AHCTF1: variants seen among roughly 807,000 people sequenced by gnomAD.
AHCTF1 encodes the protein protein ELYS.
AHCTF1 carries 24 observed loss-of-function variants against 248.4 expected under a neutral mutation model. The ratio of observed to expected loss-of-function variants is 0.10; its 90% CI spans 0.07 to 0.14. The LOEUF (loss-of-function observed/expected upper bound fraction) is 0.14. AHCTF1 is among the 10% of genes least tolerant of loss of function. The pLI is 1.00. For synonymous variants in AHCTF1, 786 were observed against 929.8 expected (o/e 0.85, Z 2.81); for missense variants, 2,206 against 2,636.2 (o/e 0.84, Z 3.57).
intron 30 of AHCTF1, 142 bp from the exon 31 acceptor site, chr1:246,855,969 C>A: frequency 2.0e-6 from 1 of 503,712 alleles, no homozygotes; most frequent in Non-Finnish European, 3.5e-6. Context: ...TCATTCTGAA[C>A]AATAATATAA....
chr1:246,924,652 T>C (rs970871161), intron 1 of AHCTF1, among the ~76,000 whole-genome samples: 1 of 152,102 alleles, frequency 6.6e-6, no homozygotes, highest in Non-Finnish European at 1.5e-5. Flanking sequence ...AAAGATTCAC[T>C]CAAAAAATTA....
chr1:246,887,810 G>GT (rs1322112051), intron 19 of AHCTF1, among the ~76,000 whole-genome samples: 1 of 152,170 alleles, frequency 6.6e-6, no homozygotes, highest in Non-Finnish European at 1.5e-5. Context: ...GCCTAAGGTA[G>GT]TATCACGCTA....
intron 33 of AHCTF1, among the ~76,000 whole-genome samples, chr1:246,845,418 C>T (rs1167372849): frequency 6.6e-6 from 1 of 152,064 alleles, no homozygotes; most frequent in African/African-American, 2.4e-5. Context: ...ATAATCTCTG[C>T]TCCCAGCTTG....
At chr1:246,886,417 G>T (rs950985489) in intron 20 of AHCTF1, among the ~76,000 whole-genome samples, 2 of 152,026 alleles carry the variant, frequency 1.3e-5, no homozygotes, top group African/African-American at 4.8e-5. Flanking sequence ...TATTCACACA[G>T]CATTTACATT....
intron 26 of AHCTF1, chr1:246,865,232 C>T (rs1572384760): frequency 6.6e-6 from 1 of 152,006 alleles, no homozygotes; most frequent in East Asian, 1.9e-4. Context: ...TTTTTATTTC[C>T]CCCAAATGCC....
intron 1 of AHCTF1, among the ~76,000 whole-genome samples, chr1:246,923,328 C>A (rs1666710301): frequency 6.6e-6 from 1 of 151,988 alleles, no homozygotes; most frequent in Admixed American, 6.6e-5. Flanking sequence ...GGCATGAGAA[C>A]TGCTTGAACC....
chr1:246,928,153 A>T (rs1251989948), intron 1 of AHCTF1, among the ~76,000 whole-genome samples: 3 of 151,238 alleles, frequency 2.0e-5, no homozygotes, highest in Non-Finnish European at 2.9e-5. Flanking sequence ...TACAAAAAAA[A>T]TTAGCCGGGC....
chr1:246,868,906 G>C (rs540809075), intron 24 of AHCTF1, among the ~76,000 whole-genome samples: 6 of 148,072 alleles, frequency 4.1e-5, no homozygotes, highest in Non-Finnish European at 5.9e-5. Context: ...GTGCAGTGGT[G>C]TGATCTCGGC....
intron 1 of AHCTF1, 133 bp from the exon 2 acceptor site, chr1:246,918,510 T>C: frequency 3.3e-6 from 3 of 921,686 alleles, no homozygotes; most frequent in Middle Eastern, 3.1e-4. Flanking sequence ...ACAAAATACA[T>C]ATTGGCCAGA....
Position 246,839,727 on chromosome 1 carries a change from T to C in AHCTF1, c.*1079A>G. 5.6e-6 allele frequency: 1 copy of C among 179,034 alleles called. No individual in the cohort carries two copies. Among genetic ancestry groups the C allele is most frequent in the Non-Finnish European group, 1.1e-5 (1 of 91,928 alleles). The allele number at this position is 179,034 out of a possible 1,614,324, so 11.1% of individuals were successfully genotyped here. On this transcript the variant is annotated 3_prime_UTR_variant, in exon 36 of 36. Transcript: ENST00000648844. ...TAATCAATTATTAATAGTCCATTCATTACACACTATCGATTACCTGTTATA... is the reference window on the plus strand; with the variant it reads ...TAATCAATTATTAATAGTCCATTCACTACACACTATCGATTACCTGTTATA...
At chr1:246,926,831 G>A (rs991103162) in intron 1 of AHCTF1, among the ~76,000 whole-genome samples, 2 of 151,864 alleles carry the variant, frequency 1.3e-5, no homozygotes, top group Non-Finnish European at 2.9e-5. Flanking sequence ...ACTCCAGCCT[G>A]GGCAACAAGA....
chr1:246,852,175 T>C (rs763598864), intron 32 of AHCTF1: 1 of 152,386 alleles, frequency 6.6e-6, no homozygotes, highest in African/African-American at 2.4e-5. Context: ...AGATGACAGA[T>C]TGGAAATAAC....
chr1:246,882,902 C>A (rs989689654), intron 21 of AHCTF1, among the ~76,000 whole-genome samples: 1 of 152,232 alleles, frequency 6.6e-6, no homozygotes, highest in African/African-American at 2.4e-5. Context: ...TGAGGAAACT[C>A]AGGCTCAGAG....
intron 35 of AHCTF1, among the ~76,000 whole-genome samples, 200 bp from the exon 36 acceptor site, chr1:246,841,198 G>T (rs949981197): frequency 2.0e-5 from 3 of 152,094 alleles, no homozygotes; most frequent in Admixed American, 6.6e-5. Flanking sequence ...TCATTAAGGG[G>T]AATTTTTTCA....
chr1:246,902,353 A>G (rs1417773820), intron 8 of AHCTF1, among the ~76,000 whole-genome samples, 172 bp downstream of exon 8: 1 of 152,222 alleles, frequency 6.6e-6, no homozygotes, highest in Admixed American at 6.5e-5. Flanking sequence ...TTAGTTATAC[A>G]TAGCAATCTG....
At chr1:246,870,585 C>T (rs945177721) in intron 24 of AHCTF1, among the ~76,000 whole-genome samples, 1 of 151,716 alleles carries the variant, frequency 6.6e-6, no homozygotes, top group African/African-American at 2.4e-5. Context: ...AGAGGGTCTC[C>T]AGGGATTATA....
At chr1:246,920,566 C>G (rs1438311128) in intron 1 of AHCTF1, among the ~76,000 whole-genome samples, 1 of 150,564 alleles carries the variant, frequency 6.6e-6, no homozygotes, top group Admixed American at 6.6e-5. Flanking sequence ...GTCAGGAGAT[C>G]GAGACCATCC....
chr1:246,881,296 C>T (rs1468611078), intron 21 of AHCTF1, among the ~76,000 whole-genome samples: 2 of 151,956 alleles, frequency 1.3e-5, no homozygotes, highest in Admixed American at 6.6e-5. Flanking sequence ...ATTCAAAATA[C>T]AAAAAGCTGG....
At chr1:246,868,447 G>A (rs1380604871) in intron 24 of AHCTF1, among the ~76,000 whole-genome samples, 2 of 148,254 alleles carry the variant, frequency 1.3e-5, no homozygotes, top group Non-Finnish European at 2.9e-5. Context: ...TAGAGACAGG[G>A]TTTCACCATG....
Sources: allele counts gnomAD v4.1 joint callset (sites outside exome capture counted in the v4.1 genomes callset), GRCh38; gene constraint gnomAD v4.1.1; transcripts MANE v1.5; gene names NCBI Gene and HGNC (gene_info 2026-07-23, HGNC 2026-07-21).